The following CDH13 variants were observed in gnomAD, a reference collection of about 807,000 sequenced individuals.
CDH13 encodes the protein cadherin-13.
In CDH13, 24 loss-of-function variants were observed where a neutral mutation model predicts 63.8. That is an observed-to-expected ratio of 0.38 (90% confidence interval 0.27 to 0.53). The LOEUF (loss-of-function observed/expected upper bound fraction) is 0.53. Ranked by LOEUF, CDH13 falls within the 20% of genes least tolerant of loss-of-function variation. CDH13 has a pLI of 0.85. For missense variants in CDH13, 1,049 were observed against 903.1 expected (o/e 1.16, Z -2.07); for synonymous variants, 503 against 355.3 (o/e 1.42, Z -4.67).
chr16:83,080,570 T>C (rs1287061016), intron 3 of CDH13, among the ~76,000 whole-genome samples: 1 of 152,112 alleles, frequency 6.6e-6, no homozygotes, highest in Non-Finnish European at 1.5e-5. Flanking sequence ...AGTCCCGTTT[T>C]AAAGATGAGG....
intron 3 of CDH13, among the ~76,000 whole-genome samples, chr16:83,071,306 A>T (rs1327177760): frequency 2.0e-5 from 3 of 152,142 alleles, no homozygotes; most frequent in Non-Finnish European, 2.9e-5. Context: ...TAACCCTGCA[A>T]GGTGTGGGCT....
chr16:82,996,643 A>G (rs1044124204), intron 2 of CDH13, among the ~76,000 whole-genome samples: 1 of 152,228 alleles, frequency 6.6e-6, no homozygotes, highest in Non-Finnish European at 1.5e-5. Flanking sequence ...TTGTAATAAA[A>G]ATGAGGTAAC....
intron 2 of CDH13, among the ~76,000 whole-genome samples, chr16:83,009,785 A>T (rs375890126): frequency 5.3e-4 from 81 of 152,244 alleles, no homozygotes; most frequent in Non-Finnish European, 1.0e-3. Context: ...AAGTGTTGTC[A>T]CACTTGAGCA....
chr16:83,180,852 GT>G lies in CDH13; in HGVS notation c.484-36483del, dbSNP rs748562344. 5.8e-4 allele frequency: 715 copies of G among 1,225,504 alleles called. 1 individual carries two copies. The highest frequency in any genetic ancestry group is 9.9e-4 in the Middle Eastern group (5 of 5,072). The allele number at this position is 1,225,504 out of a possible 1,614,324, so 75.9% of individuals were successfully genotyped here. A position where few individuals can be genotyped will look rare whatever the true frequency, so the allele number is the denominator to read the frequency against. ...TAATCCCCAATTTACAACAAAATGTGTTTTTTTTTTCTTACAGAGAACCCAC... is the reference window on the plus strand; with the variant it reads ...TAATCCCCAATTTACAACAAAATGTGTTTTTTTTTCTTACAGAGAACCCAC... On this transcript the variant is annotated intron_variant, in intron 4 of 13. Coordinates refer to ENST00000567109, the MANE Select transcript of CDH13 (RefSeq NM_001257.5).
At chr16:82,908,958 G>T (rs1665472269) in intron 2 of CDH13, among the ~76,000 whole-genome samples, 2 of 152,072 alleles carry the variant, frequency 1.3e-5, no homozygotes, top group South Asian at 4.1e-4. Context: ...ATACACAAGG[G>T]TTCCACGGGG....
chr16:83,780,797 G>A (rs1329642932), intron 12 of CDH13, among the ~76,000 whole-genome samples: 1 of 152,160 alleles, frequency 6.6e-6, no homozygotes, highest in Non-Finnish European at 1.5e-5. Context: ...ACCTTGAAAA[G>A]ATAGGAGTCT....
intron 1 of CDH13, among the ~76,000 whole-genome samples, chr16:82,732,397 G>C (rs2033450288): frequency 6.6e-6 from 1 of 152,156 alleles, no homozygotes. Flanking sequence ...TTTGAATTCA[G>C]TTTTGAGGCC....
chr16:82,951,850 T>G (rs982289760), intron 2 of CDH13, among the ~76,000 whole-genome samples: 1 of 152,192 alleles, frequency 6.6e-6, no homozygotes, highest in South Asian at 2.1e-4. Context: ...TATATCTTCC[T>G]AAGTGTTCCA....
intron 1 of CDH13, among the ~76,000 whole-genome samples, chr16:82,759,168 G>T (rs979038272): frequency 5.3e-5 from 8 of 152,318 alleles, no homozygotes; most frequent in Admixed American, 5.2e-4. Context: ...TGTGAGTCAG[G>T]TTCCACACAG....
chr16:83,435,627 C>G (rs1394389128), intron 6 of CDH13, among the ~76,000 whole-genome samples: 2 of 152,192 alleles, frequency 1.3e-5, no homozygotes, highest in Non-Finnish European at 2.9e-5. Context: ...ATACTGTTCT[C>G]TCTGTCTGAG....
intron 2 of CDH13, among the ~76,000 whole-genome samples, chr16:82,869,876 A>G (rs2040284270): frequency 6.6e-6 from 1 of 152,200 alleles, no homozygotes; most frequent in African/African-American, 2.4e-5. Context: ...CTCTGAAACG[A>G]CTACATGAAA....
At chr16:83,031,454 C>T (rs146764916) in intron 2 of CDH13, among the ~76,000 whole-genome samples, 1,606 of 149,880 alleles carry the variant, frequency 0.011, 14 homozygotes, top group Middle Eastern at 0.021. Context: ...TATGCATACA[C>T]GTATATGGTA....
At chr16:83,565,243 C>A (rs1384346961) in intron 7 of CDH13, among the ~76,000 whole-genome samples, 2 of 152,066 alleles carry the variant, frequency 1.3e-5, no homozygotes, top group African/African-American at 2.4e-5. Context: ...CTCATAGTAC[C>A]CTGACCCCAG....
At chr16:83,090,889 T>C (rs1316599860) in intron 3 of CDH13, among the ~76,000 whole-genome samples, 3 of 93,936 alleles carry the variant, frequency 3.2e-5, no homozygotes, top group Admixed American at 1.3e-4. Context: ...TAAAACCATT[T>C]TGAAAAAAAA....
intron 3 of CDH13, among the ~76,000 whole-genome samples, chr16:83,046,222 C>T (rs1012187298): frequency 1.3e-5 from 2 of 152,110 alleles, no homozygotes; most frequent in East Asian, 1.9e-4. Context: ...GGAAAGCCTT[C>T]ATCTCACTGG....
chr16:82,697,986 C>G (rs1597351239), intron 1 of CDH13, among the ~76,000 whole-genome samples: 3 of 151,980 alleles, frequency 2.0e-5, no homozygotes, highest in Non-Finnish European at 4.4e-5. Context: ...GAGGATATGG[C>G]TGCATGTTAA....
intron 2 of CDH13, among the ~76,000 whole-genome samples, chr16:83,003,192 G>C (rs1018780202): frequency 2.6e-5 from 4 of 152,164 alleles, no homozygotes; most frequent in African/African-American, 9.7e-5. Flanking sequence ...GTCTTGATAA[G>C]CCCAGCTGGC....
At chr16:83,250,190 A>C (rs76278770) in intron 5 of CDH13, among the ~76,000 whole-genome samples, 14,727 of 152,200 alleles carry the variant, frequency 0.097, 1,022 homozygotes, top group Non-Finnish European at 0.14. Context: ...AACCTGAATA[A>C]ATATTCAGAT....
chr16:83,699,312 C>CAACA (rs1379525925), intron 10 of CDH13, among the ~76,000 whole-genome samples: 1 of 152,222 alleles, frequency 6.6e-6, no homozygotes, highest in Non-Finnish European at 1.5e-5. Flanking sequence ...TGCATTTGTT[C>CAACA]AACAAACAGC....
Sources: allele counts gnomAD v4.1 joint callset (sites outside exome capture counted in the v4.1 genomes callset), GRCh38; gene constraint gnomAD v4.1.1; transcripts MANE v1.5; gene names NCBI Gene and HGNC (gene_info 2026-07-23, HGNC 2026-07-21).